The following FXR1 variants were observed in gnomAD, a reference collection of about 807,000 sequenced individuals.
FXR1 encodes the protein RNA-binding protein FXR1.
In FXR1, 15 loss-of-function variants were observed where a neutral mutation model predicts 84.0. The ratio of observed to expected loss-of-function variants is 0.18; its 90% confidence interval spans 0.12 to 0.27. The LOEUF (loss-of-function observed/expected upper bound fraction) is 0.27. Ranked by LOEUF, FXR1 falls within the 10% of genes least tolerant of loss-of-function variation. The pLI, the probability that FXR1 is intolerant of heterozygous loss-of-function variation, is 1.00. For missense variants in FXR1, 480 were observed against 774.4 expected (o/e 0.62, Z 4.51); for synonymous variants, 245 against 250.7 (o/e 0.98, Z 0.21).
At chr3:180,963,901 C>G (rs1287113396) in intron 13 of FXR1, among the ~76,000 whole-genome samples, 2 of 151,808 alleles carry the variant, frequency 1.3e-5, no homozygotes. Flanking sequence ...TTCTCTTTTC[C>G]TTTTCTTTTC....
At chr3:180,948,668 C>A in intron 5 of FXR1, 53 bp from the exon 6 acceptor site, 1 of 1,035,172 alleles carries the variant, frequency 9.7e-7, no homozygotes, top group Non-Finnish European at 1.5e-6. Context: ...TGTGACTCTC[C>A]TCTGACTTTA....
chr3:180,977,933 C>G lies in FXR1; in HGVS notation c.*1641C>G, dbSNP rs1714384780. The G allele has an allele frequency of 6.6e-6, 1 of 151,844 alleles. No individual in the cohort carries two copies. The highest frequency in any genetic ancestry group is 2.1e-4 in the South Asian group (1 of 4,818). The allele number at this position is 151,844 out of a possible 1,614,324, so 9.4% of individuals were successfully genotyped here. A position where few individuals can be genotyped will look rare whatever the true frequency, so the allele number is the denominator to read the frequency against. On this transcript the variant is annotated 3_prime_UTR_variant, in exon 17 of 17. Coordinates refer to ENST00000357559, the MANE Select transcript of FXR1 (RefSeq NM_005087.4). ...TGGTATTACGTGCTTTTTCCTGAGG[C>G]CTTCTGATTGGTTCTTGGTAACAGA...
intron 3 of FXR1, among the ~76,000 whole-genome samples, chr3:180,942,794 G>A (rs980910712): frequency 2.6e-5 from 4 of 152,110 alleles, no homozygotes; most frequent in African/African-American, 9.7e-5. Flanking sequence ...TCTGTGGGGC[G>A]CTGTTATTCA....
At chr3:180,952,078 A>G (rs898117183) in intron 8 of FXR1, among the ~76,000 whole-genome samples, 5 of 152,104 alleles carry the variant, frequency 3.3e-5, no homozygotes, top group African/African-American at 1.2e-4. Context: ...TCTTATCTAT[A>G]TTTTTATATA....
chr3:180,975,868 TAC>T (rs1249914596), intron 16 of FXR1, among the ~76,000 whole-genome samples: 1 of 152,200 alleles, frequency 6.6e-6, no homozygotes, highest in East Asian at 1.9e-4. Context: ...TAAAATTAGG[TAC>T]AGTTTTCATT....
chr3:180,959,433 A>G (rs1711803129), intron 10 of FXR1, among the ~76,000 whole-genome samples: 1 of 152,098 alleles, frequency 6.6e-6, no homozygotes, highest in Non-Finnish European at 1.5e-5. Context: ...CAGTTAACAA[A>G]TAGATGTTAT....
intron 3 of FXR1, among the ~76,000 whole-genome samples, chr3:180,946,539 G>A (rs796947112): frequency 2.0e-5 from 3 of 152,324 alleles, no homozygotes; most frequent in African/African-American, 7.2e-5. Context: ...CCTTTGAATA[G>A]TTAGATCTGT....
intron 15 of FXR1, chr3:180,971,592 A>C (rs1012207771): frequency 4.6e-5 from 7 of 152,622 alleles, no homozygotes; most frequent in Non-Finnish European, 1.0e-4. Flanking sequence ...CCACAATTAA[A>C]AAAAAAGTAT....
chr3:180,964,592 G>GTCAGTTTT (rs1712557766), intron 13 of FXR1, among the ~76,000 whole-genome samples: 1 of 151,250 alleles, frequency 6.6e-6, no homozygotes, highest in South Asian at 2.1e-4. Flanking sequence ...ACCTGAGTGG[G>GTCAGTTTT]CTTGGAAAAG....
chr3:180,913,106 T>G (rs1223982737), intron 1 of FXR1, among the ~76,000 whole-genome samples: 2 of 151,970 alleles, frequency 1.3e-5, no homozygotes, highest in Non-Finnish European at 2.9e-5. Context: ...GCGGTGGGAT[T>G]GTGTGGTCTC....
At chr3:180,947,062 T>C (rs184597691) in intron 3 of FXR1, among the ~76,000 whole-genome samples, 2 of 151,860 alleles carry the variant, frequency 1.3e-5, no homozygotes, top group East Asian at 3.9e-4. Context: ...TTTTATTTTG[T>C]TTTTTTTGAG....
intron 11 of FXR1, among the ~76,000 whole-genome samples, chr3:180,962,306 G>A (rs953094808): frequency 1.3e-5 from 2 of 152,150 alleles, no homozygotes; most frequent in Non-Finnish European, 2.9e-5. Context: ...TATATGAAAA[G>A]TCGCAATTAA....
chr3:180,951,731 A>G (rs139519113), intron 8 of FXR1, among the ~76,000 whole-genome samples: 89 of 152,298 alleles, frequency 5.8e-4, no homozygotes, highest in African/African-American at 2.0e-3. Flanking sequence ...CTTCAGTTTT[A>G]TACCCGTTAA....
intron 3 of FXR1, among the ~76,000 whole-genome samples, chr3:180,935,531 C>A: frequency 6.6e-6 from 1 of 152,190 alleles, no homozygotes; most frequent in Non-Finnish European, 1.5e-5. Flanking sequence ...TATGGTGTTA[C>A]CCTTTTCCTT....
Position 180,947,919 on chromosome 3 carries a change from C to A in FXR1, c.253C>A (p.Arg85=). 6.2e-7 allele frequency: 1 copy of A among 1,603,342 alleles called. No homozygotes were observed. Among genetic ancestry groups the A allele is most frequent in the Non-Finnish European group, 8.5e-7 (1 of 1,171,412 alleles). The part of the protein sequence containing the change: ...EPCGWWLAKV[R]MMKGEFYVIE... ...ATGTGGGTGGTGGTTGGCTAAAGTT[C>A]GGATGATGAAAGGAGAAGTAAGTAC... Residue 85 remains arginine (R), a synonymous_variant, in exon 4 of 17, where the codon CGG becomes AGG. Transcript: ENST00000357559.
intron 10 of FXR1, 69 bp downstream of exon 10, chr3:180,957,997 A>G (rs1031208908): frequency 2.8e-4 from 191 of 671,848 alleles, no homozygotes; most frequent in Non-Finnish European, 2.6e-4. Context: ...AGTTGTAAAC[A>G]TTTTGTCTGT....
chr3:180,958,705 T>A (rs1447898539), intron 10 of FXR1, among the ~76,000 whole-genome samples: 1 of 152,272 alleles, frequency 6.6e-6, no homozygotes, highest in African/African-American at 2.4e-5. Flanking sequence ...TTCTTGATTG[T>A]ACTCTCCTTA....
chr3:180,926,605 T>G (rs1719258250), intron 1 of FXR1, among the ~76,000 whole-genome samples: 1 of 151,478 alleles, frequency 6.6e-6, no homozygotes, highest in Admixed American at 6.6e-5. Context: ...ATATGAGAGT[T>G]ACACTTTTAG....
At chr3:180,940,689 G>C (rs928021185) in intron 3 of FXR1, among the ~76,000 whole-genome samples, 1 of 151,156 alleles carries the variant, frequency 6.6e-6, no homozygotes, top group Non-Finnish European at 1.5e-5. Flanking sequence ...TGATTCTCCT[G>C]CCTCAGCCTC....
Sources: allele counts gnomAD v4.1 joint callset (sites outside exome capture counted in the v4.1 genomes callset), GRCh38; gene constraint gnomAD v4.1.1; transcripts MANE v1.5; gene names NCBI Gene and HGNC (gene_info 2026-07-23, HGNC 2026-07-21).